The following SNX29 variants were observed in gnomAD, a reference collection of about 807,000 sequenced individuals.
The protein encoded by SNX29 is sorting nexin 29.
SNX29 carries 78 observed loss-of-function variants against 102.1 expected under a neutral mutation model. That is an observed-to-expected ratio of 0.76 (90% CI 0.64 to 0.92). The LOEUF (loss-of-function observed/expected upper bound fraction) is 0.92, where lower values mean the gene tolerates loss of function less well. Among genes scored for constraint, SNX29 ranks in the 40% least tolerant of loss-of-function variants. The probability of loss-of-function intolerance (pLI) is 0.00; values close to 1 mark genes in which losing one functional copy is unlikely to be tolerated. For missense variants in SNX29, 1,280 were observed against 1,061.7 expected (o/e 1.21, Z -2.86); for synonymous variants, 580 against 414.5 (o/e 1.40, Z -4.85).
intron 18 of SNX29, among the ~76,000 whole-genome samples, chr16:12,468,248 C>T (rs1456875012): frequency 7.0e-6 from 1 of 143,874 alleles, no homozygotes; most frequent in Admixed American, 7.4e-5. Flanking sequence ...GATCTCAGCT[C>T]ACTGTAACCT....
At chr16:12,014,630 G>A (rs2056786487) in intron 3 of SNX29, among the ~76,000 whole-genome samples, 1 of 151,318 alleles carries the variant, frequency 6.6e-6, no homozygotes, top group South Asian at 2.1e-4. Flanking sequence ...TTCTCAGGAG[G>A]CTGAGGCAGA....
rs2079241696 is a variant in SNX29, at chr16:12,574,037, GAT to G, written c.*5410_*5411del. ...TAAGCAGGCCACATATCTAGAGTCT[GAT>G]AGTCTGTGTGTACATAAGGTCTAGA... On this transcript the variant is annotated 3_prime_UTR_variant, in exon 21 of 21. Coordinates refer to ENST00000566228, the MANE Select transcript of SNX29 (RefSeq NM_032167.5). 5.1e-6 allele frequency: 1 copy of G among 195,244 alleles called. No homozygotes were observed. Among genetic ancestry groups the G allele is most frequent in the African/African-American group, 2.3e-5 (1 of 43,218 alleles). The allele number at this position is 195,244 out of a possible 1,614,324, so 12.1% of individuals were successfully genotyped here. A position where few individuals can be genotyped will look rare whatever the true frequency, so the allele number is the denominator to read the frequency against.
intron 19 of SNX29, among the ~76,000 whole-genome samples, chr16:12,499,002 T>G (rs972213319): frequency 6.6e-6 from 1 of 152,148 alleles, no homozygotes; most frequent in African/African-American, 2.4e-5. Context: ...CATAAATCTT[T>G]TTAGGGAGCT....
At chr16:11,996,604 G>T (rs1023664619) in intron 1 of SNX29, among the ~76,000 whole-genome samples, 1 of 152,162 alleles carries the variant, frequency 6.6e-6, no homozygotes, top group Non-Finnish European at 1.5e-5. Context: ...TTTCCAGTGC[G>T]GGGAACCCTG....
chr16:12,560,060 A>ATTTT (rs1372957175), intron 20 of SNX29, among the ~76,000 whole-genome samples: 16 of 152,210 alleles, frequency 1.1e-4, no homozygotes, highest in Middle Eastern at 3.4e-3. Flanking sequence ...TGACTAGAAA[A>ATTTT]CTATGTAACT....
chr16:12,481,920 T>G (rs1257779359), intron 19 of SNX29, among the ~76,000 whole-genome samples: 1 of 152,206 alleles, frequency 6.6e-6, no homozygotes, highest in African/African-American at 2.4e-5. Flanking sequence ...GAAATCCACC[T>G]TGGCTGCTGC....
intron 16 of SNX29, among the ~76,000 whole-genome samples, chr16:12,364,302 A>G (rs1013928931): frequency 6.6e-6 from 1 of 152,030 alleles, no homozygotes; most frequent in African/African-American, 2.4e-5. Context: ...TGGCCTCCCA[A>G]ATTGCTGGGA....
chr16:12,117,109 C>T (rs1040681007), intron 11 of SNX29, among the ~76,000 whole-genome samples: 1 of 144,054 alleles, frequency 6.9e-6, no homozygotes, highest in Non-Finnish European at 1.5e-5. Flanking sequence ...TGCTTCAGTG[C>T]GGACGAACCA....
intron 8 of SNX29, among the ~76,000 whole-genome samples, chr16:12,059,873 C>T (rs1292894161): frequency 2.0e-5 from 3 of 152,190 alleles, no homozygotes; most frequent in African/African-American, 4.8e-5. Flanking sequence ...AAGACCTGGG[C>T]TCCAGTCCCA....
At chr16:12,546,071 T>A (rs1362580794) in intron 20 of SNX29, among the ~76,000 whole-genome samples, 1 of 152,144 alleles carries the variant, frequency 6.6e-6, no homozygotes, top group Non-Finnish European at 1.5e-5. Flanking sequence ...GTCCTGGGTT[T>A]GAGTCCCCAG....
At chr16:12,003,680 TG>T (rs1006884602) in intron 3 of SNX29, among the ~76,000 whole-genome samples, 1 of 152,214 alleles carries the variant, frequency 6.6e-6, no homozygotes, top group Admixed American at 6.5e-5. Flanking sequence ...CATTTTTTAT[TG>T]TGATCATTTG....
Position 12,524,290 on chromosome 16 carries a change from G to T in SNX29, c.2179-412G>T, listed in dbSNP as rs1197110398. 2.6e-5 allele frequency among the ~76,000 whole-genome samples: 4 copies of T among 152,042 alleles called. No homozygotes were observed. In the East Asian group the frequency reaches 7.7e-4, roughly 29 times the overall value. ...GGTGCTCTGGAGTGGCATTTGGTGT[G>T]ATTGATAATTACCCGCTGACCTGTG... On this transcript the variant is annotated intron_variant, in intron 19 of 20. Transcript: ENST00000566228.
At position 12,571,795 on chromosome 16, in the gene SNX29, A is replaced by C. The variant is rs1050473479; in HGVS notation, c.*3166A>C. The C allele has an allele frequency of 1.3e-5, 13 of 1,012,644 alleles. No homozygotes were observed. In the South Asian group the frequency reaches 2.9e-4, roughly 22 times the overall value. The allele number at this position is 1,012,644 out of a possible 1,614,324, so 62.7% of individuals were successfully genotyped here. ...GAACCTTCTCCGCCACTCTTCCTGC[A>C]ATCAGTGTGAAATTCCAGCTTCTTT... On this transcript the variant is annotated 3_prime_UTR_variant, in exon 21 of 21. Coordinates refer to ENST00000566228, the MANE Select transcript of SNX29 (RefSeq NM_032167.5).
At chr16:12,251,781 A>G (rs1308864966) in intron 14 of SNX29, among the ~76,000 whole-genome samples, 4 of 151,756 alleles carry the variant, frequency 2.6e-5, no homozygotes, top group Admixed American at 6.6e-5. Flanking sequence ...TTCTTTAGAG[A>G]CAGTGTCTTG....
intron 20 of SNX29, among the ~76,000 whole-genome samples, chr16:12,568,151 G>A (rs200863699): frequency 6.6e-6 from 1 of 152,172 alleles, no homozygotes; most frequent in African/African-American, 2.4e-5. Flanking sequence ...CTTGGACTTA[G>A]AAGCGTACCT....
chr16:11,992,910 C>A (rs1464348099), intron 1 of SNX29, among the ~76,000 whole-genome samples: 1 of 152,092 alleles, frequency 6.6e-6, no homozygotes, highest in Admixed American at 6.6e-5. Flanking sequence ...GCCTGCAATC[C>A]CAGCACTTCA....
At chr16:12,094,446 C>A (rs985446787) in intron 11 of SNX29, among the ~76,000 whole-genome samples, 2 of 152,184 alleles carry the variant, frequency 1.3e-5, no homozygotes, top group African/African-American at 2.4e-5. Flanking sequence ...TTCCATCTTA[C>A]TGAAACCATC....
At position 11,992,309 on chromosome 16, in the gene SNX29, T is replaced by C. The variant is rs114296770; in HGVS notation, c.8-6988T>C. 2.1e-3 allele frequency among the ~76,000 whole-genome samples: 315 copies of C among 152,188 alleles called. 1 individual carries two copies. The highest frequency in any genetic ancestry group is 7.3e-3 in the African/African-American group (302 of 41,518). On this transcript the variant is annotated intron_variant, in intron 1 of 20. Coordinates refer to ENST00000566228, the MANE Select transcript of SNX29 (RefSeq NM_032167.5). ...ACTCCATCTCTTAAATTTTTTTTTT[T>C]AATTGAGGTGAAATTCACAAAACAA... is the stretch of plus-strand genomic sequence containing the variant.
At chr16:12,022,267 C>G (rs1365531153) in intron 3 of SNX29, among the ~76,000 whole-genome samples, 2 of 150,638 alleles carry the variant, frequency 1.3e-5, no homozygotes, top group African/African-American at 4.9e-5. Flanking sequence ...GTGGCACAAT[C>G]TCAGCTCACT....
Sources: allele counts gnomAD v4.1 joint callset (sites outside exome capture counted in the v4.1 genomes callset), GRCh38; gene constraint gnomAD v4.1.1; transcripts MANE v1.5; gene names NCBI Gene and HGNC (gene_info 2026-07-23, HGNC 2026-07-21).